Variants in SLC4A3 observed in about 807,000 individuals in gnomAD.
SLC4A3 encodes anion exchange protein 3.
A neutral mutation model predicts 114.2 loss-of-function variants in SLC4A3; 47 were observed. The observed-to-expected ratio is 0.41, with a 90% CI of 0.33 to 0.52. SLC4A3 has a LOEUF of 0.52. SLC4A3 is among the 20% of genes least tolerant of loss of function. The pLI is 0.21. For missense variants in SLC4A3, 1,312 were observed against 1,668.3 expected (o/e 0.79, Z 3.72); for synonymous variants, 693 against 710.3 (o/e 0.98, Z 0.39).
chr2:219,629,083 C>T (rs894392193), intron 3 of SLC4A3, 61 bp from the exon 4 acceptor site: 55 of 1,508,804 alleles, frequency 3.6e-5, no homozygotes, highest in Admixed American at 2.0e-4. Flanking sequence ...TGTGTGCCCT[C>T]GGGTGGGGAG....
Position 219,639,727 on chromosome 2 carries a change from G to T in SLC4A3, c.3269G>T (p.Ser1090Ile), listed in dbSNP as rs763520879. The change falls in exon 20 of 23, where the codon AGC (serine) becomes ATC (isoleucine). Residue 1090 changes from serine to isoleucine, a missense_variant. Physicochemically the swap from Ser to Ile is moderately radical, Grantham distance 142. Coordinates refer to ENST00000358055, the MANE Select transcript of SLC4A3 (RefSeq NM_005070.4). The surrounding 1 kb of genome is among the most constrained non-coding windows in gnomAD (Gnocchi z 5.9). The stretch of plus-strand genomic sequence containing the variant: ...CGGGTCACTGGTGTGCTCATCGCCA[G>T]CCTCGTGGGTGAGAGCCCGCCTCCA... ...EQRVTGVLIA[S>I]LVGLSIVMGA... 1.2e-6 allele frequency: 2 copies of T among 1,606,288 alleles called. No individual in the cohort carries two copies. Among genetic ancestry groups the T allele is most frequent in the Admixed American group, 1.7e-5 (1 of 60,010 alleles).
In SLC4A3 at chr2:219,639,874, A is replaced by G. The variant is rs891539557; in HGVS notation, c.3277+139A>G. The G allele has an allele frequency of 1.8e-6, 2 of 1,084,196 alleles. No individual in the cohort carries two copies. The highest frequency in any genetic ancestry group is 3.1e-5 in the African/African-American group (2 of 63,930). 67.2% of individuals were successfully genotyped at this position (1,084,196 alleles called of 1,614,324 possible). A position where few individuals can be genotyped will look rare whatever the true frequency, so the allele number is the denominator to read the frequency against. On this transcript the variant is annotated intron_variant, in intron 20 of 22. Transcript: ENST00000358055. The surrounding 1 kb of genome is among the most constrained non-coding windows in gnomAD (Gnocchi z 5.9). ...CTGACCCCCAAACCTGCTTCCCAGC[A>G]CTCCCCTAGCCCTTTACTCCTGGAG... is the stretch of plus-strand genomic sequence containing the variant.
rs926308871 is a variant in SLC4A3 at position 219,635,172 on chromosome 2, C to T, written c.1747-99C>T. 2.6e-5 allele frequency: 23 copies of T among 886,944 alleles called. 1 individual carries two copies. The African/African-American group carries it at 3.5e-4, about 13-fold the overall frequency. 54.9% of individuals were successfully genotyped at this position (886,944 alleles called of 1,614,324 possible). On this transcript the variant is annotated intron_variant, in intron 12 of 22. Transcript: ENST00000358055. ...CCCAGTATCTACGACTGAATGTCCA[C>T]CCTGCCTGTAGCTCAGTGACCCAAC... is the stretch of plus-strand genomic sequence containing the variant.
Position 219,629,381 on chromosome 2 carries a change from C to T in SLC4A3, c.455C>T (p.Pro152Leu). 1 of 1,593,682 alleles carries T rather than the reference C, an allele frequency of 6.3e-7. No individual in the cohort carries two copies. The highest frequency in any genetic ancestry group is 8.5e-7 in the Non-Finnish European group (1 of 1,169,760). Residue 152 changes from proline to leucine, a missense_variant, in exon 4 of 23, where the codon CCT becomes CTT. By Grantham distance (98) the Pro-to-Leu change is moderately conservative. Coordinates refer to ENST00000358055, the MANE Select transcript of SLC4A3 (RefSeq NM_005070.4). ...EEEEGESEAEPVEPPHSGTPQ... is the reference protein window; with the variant it reads ...EEEEGESEAELVEPPHSGTPQ... ...GAGGAAGGAGAATCTGAGGCAGAACCTGTGGAGCCCCCCCACTCAGGGACC... is the reference window on the plus strand; with the variant it reads ...GAGGAAGGAGAATCTGAGGCAGAACTTGTGGAGCCCCCCCACTCAGGGACC...
chr2:219,641,790 G>A lies in SLC4A3; in HGVS notation c.*62G>A. 1 of 1,389,068 alleles carries A rather than the reference G, an allele frequency of 7.2e-7. No homozygotes were observed. Among genetic ancestry groups the A allele is most frequent in the Non-Finnish European group, 1.0e-6 (1 of 976,902 alleles). The allele number at this position is 1,389,068 out of a possible 1,614,324, so 86.0% of individuals were successfully genotyped here. ...TTAGGGATTGACACCTGGGCCTCAG[G>A]CAGAGCCCAGCCCTGGGCTGGGGGG... On this transcript the variant is annotated 3_prime_UTR_variant, in exon 23 of 23. Transcript: ENST00000358055. The surrounding 1 kb of genome is among the most constrained non-coding windows in gnomAD (Gnocchi z 4.0).
rs145344574 is a variant in SLC4A3, at chr2:219,639,596, C to G, written c.3138C>G (p.Leu1046=). 707 of 1,614,042 alleles carry G rather than the reference C, an allele frequency of 4.4e-4. 11 individuals are homozygous for G. The South Asian group carries it at 5.8e-3, about 13-fold the overall frequency. ...GLCGLFGLPW[L]TAATVRSVTH... ...GTGGGCTGTTTGGGTTGCCCTGGCT[C>G]ACGGCTGCCACGGTCCGCTCCGTCA... The change falls in exon 20 of 23, where the codon CTC becomes CTG. Residue 1046 remains leucine (L), a synonymous_variant. Coordinates refer to ENST00000358055, the MANE Select transcript of SLC4A3 (RefSeq NM_005070.4). The surrounding 1 kb of genome is among the most constrained non-coding windows in gnomAD (Gnocchi z 5.9).
At position 219,639,731 on chromosome 2, in the gene SLC4A3, C is replaced by T. The variant is rs763658706; in HGVS notation, c.3273C>T (p.Leu1091=). The T allele has an allele frequency of 1.3e-5, 21 of 1,605,364 alleles. No individual in the cohort carries two copies. Among genetic ancestry groups the T allele is most frequent in the East Asian group, 6.7e-5 (3 of 44,838 alleles). Residue 1091 remains leucine, a synonymous_variant, in exon 20 of 23, where the codon CTC becomes CTT. Transcript: ENST00000358055. The surrounding 1 kb of genome is among the most constrained non-coding windows in gnomAD (Gnocchi z 5.9). ...QRVTGVLIAS[L]VGLSIVMGAV... is the part of the protein sequence containing the mutation. ...TCACTGGTGTGCTCATCGCCAGCCTCGTGGGTGAGAGCCCGCCTCCACCCT... is the reference window on the plus strand; with the variant it reads ...TCACTGGTGTGCTCATCGCCAGCCTTGTGGGTGAGAGCCCGCCTCCACCCT...
chr2:219,638,379 G>T lies in SLC4A3; in HGVS notation c.2856+126G>T, dbSNP rs972428859. The stretch of plus-strand genomic sequence containing the variant: ...ACTCAACTTTCCCAGTGGAGTGGCC[G>T]CCCTGGGGGCTGAGGGCCTTCCCCA... On this transcript the variant is annotated intron_variant, in intron 18 of 22. Transcript: ENST00000358055. This position sits in a 1 kb window ranked among gnomAD's most constrained non-coding sequence, Gnocchi z 7.5. The T allele has an allele frequency of 7.8e-6, 6 of 772,184 alleles. No homozygotes were observed. The highest frequency in any genetic ancestry group is 2.2e-5 in the Admixed American group (1 of 45,594). 47.8% of individuals were successfully genotyped at this position (772,184 alleles called of 1,614,324 possible). A position where few individuals can be genotyped will look rare whatever the true frequency, so the allele number is the denominator to read the frequency against.
chr2:219,631,287 C>A lies in SLC4A3; in HGVS notation c.812-681C>A. The A allele has an allele frequency of 7.7e-7, 1 of 1,301,288 alleles. No individual in the cohort carries two copies. Among genetic ancestry groups the A allele is most frequent in the South Asian group, 1.2e-5 (1 of 80,868 alleles). The allele number at this position is 1,301,288 out of a possible 1,614,324, so 80.6% of individuals were successfully genotyped here. A position where few individuals can be genotyped will look rare whatever the true frequency, so the allele number is the denominator to read the frequency against. ...CCCTGAGCCCAATGGGGCACTGAGC[C>A]CTGGGCCTGGGGATACCAATAGCTG... is the stretch of plus-strand genomic sequence containing the variant. On this transcript the variant is annotated intron_variant, in intron 6 of 22. Coordinates refer to ENST00000358055, the MANE Select transcript of SLC4A3 (RefSeq NM_005070.4). The surrounding 1 kb of genome is among the most constrained non-coding windows in gnomAD (Gnocchi z 6.3).
rs774286704 is a variant in SLC4A3 at position 219,640,815 on chromosome 2, C to T, written c.3474C>T (p.Phe1158=). Residue 1158 remains phenylalanine, a synonymous_variant, in exon 22 of 23, where the codon TTC becomes TTT. Coordinates refer to ENST00000358055, the MANE Select transcript of SLC4A3 (RefSeq NM_005070.4). ...TKVKTWRMHL[F]TCIQLGCIAL... is the part of the protein sequence containing the mutation. ...TGAAGACGTGGCGGATGCATCTGTT[C>T]ACCTGCATCCAGCTGGGCTGCATCG... The T allele has an allele frequency of 6.8e-6, 11 of 1,612,240 alleles. No individual in the cohort carries two copies. Among genetic ancestry groups the T allele is most frequent in the Non-Finnish European group, 9.3e-6 (11 of 1,179,972 alleles).
In SLC4A3 at chr2:219,636,942, T is replaced by G; in HGVS notation, c.2535+68T>G. 7.4e-7 allele frequency: 1 copy of G among 1,344,028 alleles called. No individual in the cohort carries two copies. Among genetic ancestry groups the G allele is most frequent in the South Asian group, 1.3e-5 (1 of 77,998 alleles). 83.3% of individuals were successfully genotyped at this position (1,344,028 alleles called of 1,614,324 possible). A position where few individuals can be genotyped will look rare whatever the true frequency, so the allele number is the denominator to read the frequency against. ...GGACATTGCCCTGGGGAGGACAGCA[T>G]GGGAGGGGGAGGTATGGAGAACTAG... On this transcript the variant is annotated intron_variant, in intron 16 of 22. Coordinates refer to ENST00000358055, the MANE Select transcript of SLC4A3 (RefSeq NM_005070.4). The surrounding 1 kb of genome is among the most constrained non-coding windows in gnomAD (Gnocchi z 5.5).
In SLC4A3 at chr2:219,636,388, C is replaced by G. The variant is rs1365897556; in HGVS notation, c.2278C>G (p.Gln760Glu). ...CGTCCTCTTCTCTCTGCTGGGAGCT[C>G]AGCCGCTGCTTGTGGTTGGCTTCTC... The part of the protein sequence containing the change: ...LGVLFSLLGA[Q>E]PLLVVGFSGP... Residue 760 changes from glutamine (Q) to glutamate (E), a missense_variant, in exon 15 of 23, where the codon CAG becomes GAG. By Grantham distance (29) the Gln-to-Glu change is conservative. Coordinates refer to ENST00000358055, the MANE Select transcript of SLC4A3 (RefSeq NM_005070.4). This position sits in a 1 kb window ranked among gnomAD's most constrained non-coding sequence, Gnocchi z 5.5. 1 of 1,613,526 alleles carries G rather than the reference C, an allele frequency of 6.2e-7. No individual in the cohort carries two copies. The highest frequency in any genetic ancestry group is 8.5e-7 in the Non-Finnish European group (1 of 1,179,836).
At position 219,640,616 on chromosome 2, in the gene SLC4A3, T is replaced by C; in HGVS notation, c.3447+17T>C. 1 of 1,611,618 alleles carries C rather than the reference T, an allele frequency of 6.2e-7. No homozygotes were observed. Among genetic ancestry groups the C allele is most frequent in the Middle Eastern group, 1.7e-4 (1 of 6,054 alleles). On this transcript the variant is annotated intron_variant, in intron 21 of 22. Coordinates refer to ENST00000358055, the MANE Select transcript of SLC4A3 (RefSeq NM_005070.4). ...GTGACCAAGGTAGGGCCGGGAAGCA[T>C]GGGGGTAGGGCAGTGGGGTGACGGG...
intron 21 of SLC4A3, 69 bp downstream of exon 21, chr2:219,640,668 A>T (rs767202266): frequency 1.3e-4 from 200 of 1,577,328 alleles, no homozygotes; most frequent in Admixed American, 2.9e-4. Context: ...ATCTGGGAGC[A>T]TTGATGGATG....
chr2:219,639,421 T>C lies in SLC4A3; in HGVS notation c.3024-61T>C. The C allele has an allele frequency of 6.3e-7, 1 of 1,576,660 alleles. No individual in the cohort carries two copies. The highest frequency in any genetic ancestry group is 1.1e-5 in the South Asian group (1 of 87,582). On this transcript the variant is annotated intron_variant, in intron 19 of 22. Transcript: ENST00000358055. The surrounding 1 kb of genome is among the most constrained non-coding windows in gnomAD (Gnocchi z 5.9). ...ACCATCTCGTCTCTGTGTGCGTGCC[T>C]GTCTTTGTCCCCTGCCCCTGCCAGG...
chr2:219,640,791 G>T lies in SLC4A3; in HGVS notation c.3450G>T (p.Val1150=). Residue 1150 remains valine, a splice_region_variant and synonymous_variant, in exon 22 of 23, where the codon GTG becomes GTT. Transcript: ENST00000358055. The part of the protein sequence containing the change: ...HHPEQPYVTK[V]KTWRMHLFTC... The stretch of plus-strand genomic sequence containing the variant: ...GGGCCCACTGGCTGCTCCCCTAGGT[G>T]AAGACGTGGCGGATGCATCTGTTCA... 6.2e-7 allele frequency: 1 copy of T among 1,611,180 alleles called. No homozygotes were observed. Among genetic ancestry groups the T allele is most frequent in the South Asian group, 1.1e-5 (1 of 90,978 alleles).
intron 5 of SLC4A3, 125 bp downstream of exon 5, chr2:219,629,820 A>C: frequency 5.8e-6 from 1 of 173,592 alleles, no homozygotes. Flanking sequence ...AAAGAGGAGC[A>C]GGGTGTGGGA....
chr2:219,627,944 G>A lies in SLC4A3; in HGVS notation c.-49G>A. On this transcript the variant is annotated 5_prime_UTR_variant, in exon 2 of 23. Coordinates refer to ENST00000358055, the MANE Select transcript of SLC4A3 (RefSeq NM_005070.4). ...TCAGTGGCCCCTCCTTCTCACCTGG[G>A]TCTCGGGTCCCCTAGTGAGCGAGAG... The A allele has an allele frequency of 1.3e-6, 2 of 1,560,560 alleles. No individual in the cohort carries two copies. Among genetic ancestry groups the A allele is most frequent in the Non-Finnish European group, 1.8e-6 (2 of 1,142,136 alleles).
Position 219,629,598 on chromosome 2 carries a change from G to A in SLC4A3, c.514G>A (p.Glu172Lys), listed in dbSNP as rs369060545. Reference sequence around the variant, plus strand: ...TCTGCAGTTCTCCATTGGAAGTGACGAGGATGACAGTCCAGGCCTCCCTGG... The same window carrying A: ...TCTGCAGTTCTCCATTGGAAGTGACAAGGATGACAGTCCAGGCCTCCCTGG... The part of the protein sequence containing the change: ...QKAKFSIGSD[E>K]DDSPGLPGRA... The change falls in exon 5 of 23, where the codon GAG (glutamate) becomes AAG (lysine). Residue 172 changes from glutamate to lysine, a missense_variant. By Grantham distance (56) the Glu-to-Lys change is moderately conservative. Coordinates refer to ENST00000358055, the MANE Select transcript of SLC4A3 (RefSeq NM_005070.4). The A allele has an allele frequency of 9.9e-6, 16 of 1,612,768 alleles. No individual in the cohort carries two copies. Among genetic ancestry groups the A allele is most frequent in the South Asian group, 2.2e-5 (2 of 91,058 alleles).
Sources: gnomAD v4.1 joint callset for allele counts on GRCh38, gnomAD v4.1.1 for gene constraint, Gnocchi (gnomAD v3.1) non-coding constraint, MANE v1.5 for transcripts, NCBI Gene and HGNC (gene_info 2026-07-23, HGNC 2026-07-21) for gene names.